The following GUCY1A1 variants were observed in gnomAD, a reference collection of about 807,000 sequenced individuals.
The protein encoded by GUCY1A1 is guanylate cyclase soluble subunit alpha-1.
GUCY1A1 carries 48 observed loss-of-function variants against 64.5 expected under a neutral mutation model. That is an observed-to-expected ratio of 0.74 (90% CI 0.59 to 0.95). The LOEUF (loss-of-function observed/expected upper bound fraction) is 0.95. Ranked by LOEUF, GUCY1A1 falls within the 40% of genes least tolerant of loss-of-function variation. The probability of loss-of-function intolerance (pLI) is 0.00; values close to 1 mark genes in which losing one functional copy is unlikely to be tolerated. For missense variants in GUCY1A1, 804 were observed against 825.3 expected (o/e 0.97, Z 0.32); for synonymous variants, 308 against 303.4 (o/e 1.02, Z -0.16).
chr4:155,683,527 G>C (rs1360240707), intron 2 of GUCY1A1, among the ~76,000 whole-genome samples: 1 of 152,156 alleles, frequency 6.6e-6, no homozygotes, highest in African/African-American at 2.4e-5. Flanking sequence ...TTTGATTAAG[G>C]CTGGAAAATA....
chr4:155,735,612 G>A lies in GUCY1A1; in HGVS notation c.*5381G>A, dbSNP rs547969117. The A allele has an allele frequency of 6.6e-6, 1 of 152,026 alleles. No individual in the cohort carries two copies. The highest frequency in any genetic ancestry group is 1.9e-4 in the East Asian group (1 of 5,150). The allele number at this position is 152,026 out of a possible 1,614,324, so 9.4% of individuals were successfully genotyped here. On this transcript the variant is annotated 3_prime_UTR_variant, in exon 10 of 10. Transcript: ENST00000506455. ...TCCAGATTGTGAGGAAAATTACTTG[G>A]CTGAAAATGACTTTGCATAATGCCC...
chr4:155,670,077 A>T (rs1733924395), intron 2 of GUCY1A1, among the ~76,000 whole-genome samples: 2 of 152,302 alleles, frequency 1.3e-5, no homozygotes, highest in Middle Eastern at 3.4e-3. Flanking sequence ...TTTTTGGAGG[A>T]AGCTGTTACT....
At chr4:155,704,448 A>G (rs1450300629) in intron 4 of GUCY1A1, among the ~76,000 whole-genome samples, 1 of 152,014 alleles carries the variant, frequency 6.6e-6, no homozygotes, top group Non-Finnish European at 1.5e-5. Flanking sequence ...CCCAGCAGGT[A>G]CCCCATCCCC....
intron 2 of GUCY1A1, among the ~76,000 whole-genome samples, chr4:155,679,905 T>G (rs1735491123): frequency 6.6e-6 from 1 of 152,232 alleles, no homozygotes; most frequent in African/African-American, 2.4e-5. Flanking sequence ...TGGATCTCTA[T>G]CTCATTGATC....
At chr4:155,672,291 T>C (rs895807648) in intron 2 of GUCY1A1, among the ~76,000 whole-genome samples, 6 of 152,190 alleles carry the variant, frequency 3.9e-5, no homozygotes, top group African/African-American at 1.4e-4. Context: ...ATAATTAACA[T>C]CTTCATCCAA....
intron 3 of GUCY1A1, among the ~76,000 whole-genome samples, chr4:155,703,383 C>G (rs1432621745): frequency 6.6e-6 from 1 of 152,098 alleles, no homozygotes; most frequent in Non-Finnish European, 1.5e-5. Context: ...AAGGAAGAGA[C>G]AGAGATAACT....
rs202194384 is a variant in GUCY1A1 at position 155,730,433 on chromosome 4, A to C, written c.*202A>C. ...CAGCTCTTCAAGAAAAAAAAAAAAA[A>C]CCTTAAAAAGCTACTTTTGTGGGAG... On this transcript the variant is annotated 3_prime_UTR_variant, in exon 10 of 10. Coordinates refer to ENST00000506455, the MANE Select transcript of GUCY1A1 (RefSeq NM_001130682.3). 4 of 412,178 alleles carry C rather than the reference A, an allele frequency of 9.7e-6. No homozygotes were observed. Among genetic ancestry groups the C allele is most frequent in the Admixed American group, 8.1e-5 (2 of 24,824 alleles). 25.5% of individuals were successfully genotyped at this position (412,178 alleles called of 1,614,324 possible).
intron 3 of GUCY1A1, among the ~76,000 whole-genome samples, chr4:155,699,265 G>A (rs1730791791): frequency 1.3e-5 from 2 of 151,946 alleles, no homozygotes; most frequent in Non-Finnish European, 2.9e-5. Flanking sequence ...ATTTTCTATG[G>A]ATGTGCATGT....
chr4:155,695,353 A>T (rs1579048657), intron 2 of GUCY1A1, among the ~76,000 whole-genome samples: 1 of 152,212 alleles, frequency 6.6e-6, no homozygotes, highest in African/African-American at 2.4e-5. Context: ...AAAATAAAAA[A>T]AAAAAACCTA....
intron 2 of GUCY1A1, among the ~76,000 whole-genome samples, chr4:155,686,320 CA>C (rs1270785515): frequency 3.4e-4 from 50 of 146,268 alleles, no homozygotes; most frequent in Non-Finnish European, 3.2e-4. Context: ...TACTAAAATA[CA>C]AAAAAAAAAA....
intron 2 of GUCY1A1, among the ~76,000 whole-genome samples, chr4:155,679,962 T>C (rs949432235): frequency 1.3e-5 from 2 of 152,240 alleles, no homozygotes; most frequent in African/African-American, 4.8e-5. Context: ...TTGATTACTT[T>C]AACTTTTTAA....
chr4:155,685,603 G>GTTTTTTTTTTTT (rs70954055), intron 2 of GUCY1A1, among the ~76,000 whole-genome samples: 2 of 108,854 alleles, frequency 1.8e-5, no homozygotes, highest in African/African-American at 6.3e-5. Context: ...TTCTCCTTGT[G>GTTTTTTTTTTTT]TTTTTTTTTT....
intron 8 of GUCY1A1, among the ~76,000 whole-genome samples, chr4:155,718,843 G>A (rs745829476): frequency 3.9e-5 from 6 of 152,174 alleles, no homozygotes; most frequent in Non-Finnish European, 8.8e-5. Flanking sequence ...AGAGGGCTCA[G>A]AGCCCAAGAA....
chr4:155,675,340 A>G (rs779017819), intron 2 of GUCY1A1, among the ~76,000 whole-genome samples: 4 of 151,568 alleles, frequency 2.6e-5, no homozygotes, highest in Non-Finnish European at 4.4e-5. Context: ...CTTTAGCACT[A>G]TATATGAAGT....
At chr4:155,707,834 T>TCTTC (rs746245383) in intron 4 of GUCY1A1, among the ~76,000 whole-genome samples, 1 of 103,806 alleles carries the variant, frequency 9.6e-6, no homozygotes, top group Non-Finnish European at 2.2e-5. Context: ...TTTCTTTCTT[T>TCTTC]CTTTCTTTTT....
rs13107173 is a variant in GUCY1A1 at position 155,733,786 on chromosome 4, T to A, written c.*3555T>A. On this transcript the variant is annotated 3_prime_UTR_variant, in exon 10 of 10. Transcript: ENST00000506455. ...CAAGTCTTAAAGGAAGAGAATGGTA[T>A]GATCAGATGTGTGTTTTCCAAAGAC... 0.036 allele frequency among the ~76,000 whole-genome samples: 5,412 copies of A among 151,496 alleles called. 123 individuals are homozygous for A. The highest frequency in any genetic ancestry group is 0.061 in the Middle Eastern group (18 of 294).
At position 155,713,734 on chromosome 4, in the gene GUCY1A1, A is replaced by G. The variant is rs1732890257; in HGVS notation, c.1572+151A>G. ...TGGGAGCAGGTATGGTGCATTCATTATGTGGGTGTTTTCCAGCCAGCAATA... is the reference window on the plus strand; with the variant it reads ...TGGGAGCAGGTATGGTGCATTCATTGTGTGGGTGTTTTCCAGCCAGCAATA... On this transcript the variant is annotated intron_variant, in intron 7 of 9. Coordinates refer to ENST00000506455, the MANE Select transcript of GUCY1A1 (RefSeq NM_001130682.3). 17 of 740,470 alleles carry G rather than the reference A, an allele frequency of 2.3e-5. No individual in the cohort carries two copies. In the South Asian group the frequency reaches 3.2e-4, roughly 14 times the overall value. The allele number at this position is 740,470 out of a possible 1,614,324, so 45.9% of individuals were successfully genotyped here. A position where few individuals can be genotyped will look rare whatever the true frequency, so the allele number is the denominator to read the frequency against.
intron 2 of GUCY1A1, among the ~76,000 whole-genome samples, chr4:155,695,185 A>G (rs1416818905): frequency 6.6e-6 from 1 of 152,188 alleles, no homozygotes; most frequent in South Asian, 2.1e-4. Context: ...CTAATGTCCC[A>G]TGACATCCCA....
chr4:155,671,818 C>A (rs1460311464), intron 2 of GUCY1A1, among the ~76,000 whole-genome samples: 1 of 152,038 alleles, frequency 6.6e-6, no homozygotes, highest in Non-Finnish European at 1.5e-5. Context: ...AGATAATATT[C>A]AGTTTCTTCA....
Sources: allele counts gnomAD v4.1 joint callset (sites outside exome capture counted in the v4.1 genomes callset), GRCh38; gene constraint gnomAD v4.1.1; transcripts MANE v1.5; gene names NCBI Gene and HGNC (gene_info 2026-07-23, HGNC 2026-07-21).